L3MBTL3: variants seen among roughly 807,000 people sequenced by gnomAD.
L3MBTL3 encodes the protein L3MBTL histone methyl-lysine binding protein 3.
A neutral mutation model predicts 102.3 loss-of-function variants in L3MBTL3; 27 were observed. The ratio of observed to expected loss-of-function variants is 0.26; its 90% CI spans 0.19 to 0.36. The LOEUF is 0.36. Ranked by LOEUF, L3MBTL3 falls within the 10% of genes least tolerant of loss-of-function variation. The pLI is 1.00. For synonymous variants in L3MBTL3, 340 were observed against 320.9 expected (o/e 1.06, Z -0.64); for missense variants, 798 against 955.3 (o/e 0.84, Z 2.17).
chr6:130,062,225 G>C (rs1781940241), intron 10 of L3MBTL3, among the ~76,000 whole-genome samples: 1 of 152,016 alleles, frequency 6.6e-6, no homozygotes, highest in Non-Finnish European at 1.5e-5. Context: ...ATTAATAAAA[G>C]TCCTGTTTCA....
At chr6:130,071,245 TC>T (rs1197797169) in intron 13 of L3MBTL3, 118 bp downstream of exon 13, 2 of 871,862 alleles carry the variant, frequency 2.3e-6, no homozygotes, top group Non-Finnish European at 3.5e-6. Context: ...CCCCACTTTT[TC>T]CTGTTACAGA....
intron 19 of L3MBTL3, among the ~76,000 whole-genome samples, chr6:130,108,504 A>T (rs562648136): frequency 6.6e-6 from 1 of 152,028 alleles, no homozygotes; most frequent in African/African-American, 2.4e-5. Context: ...AATTGCTGGG[A>T]TTACAGGCAT....
At chr6:130,050,174 C>T (rs1781004778) in intron 5 of L3MBTL3, among the ~76,000 whole-genome samples, 1 of 152,222 alleles carries the variant, frequency 6.6e-6, no homozygotes, top group Non-Finnish European at 1.5e-5. Context: ...GGTCCTGCAC[C>T]TTGAAGCCAG....
intron 7 of L3MBTL3, among the ~76,000 whole-genome samples, chr6:130,054,383 A>G (rs1010818887): frequency 5.9e-5 from 9 of 152,144 alleles, no homozygotes; most frequent in African/African-American, 2.2e-4. Context: ...ATGCTTTGAT[A>G]TGATGTATGT....
Position 130,070,111 on chromosome 6 carries a change from TTTTTGTTTTG to T in L3MBTL3, c.1093-850_1093-841del, listed in dbSNP as rs555626638. Among the ~76,000 whole-genome samples, 16 of 151,792 alleles carry T rather than the reference TTTTTGTTTTG, an allele frequency of 1.1e-4. No homozygotes were observed. The East Asian group carries it at 1.9e-3, about 18-fold the overall frequency. On this transcript the variant is annotated intron_variant, in intron 12 of 22. Transcript: ENST00000361794. ...ACAGAGGTTTTTGTTTGTTTTTTGT[TTTTTGTTTTG>T]TTTTGTTTTGTTTTTAGGGAAGGAA... is the stretch of plus-strand genomic sequence containing the variant.
chr6:130,090,576 T>C (rs1392383878), intron 16 of L3MBTL3, among the ~76,000 whole-genome samples: 1 of 152,032 alleles, frequency 6.6e-6, no homozygotes, highest in Non-Finnish European at 1.5e-5. Context: ...AATTGTCTTT[T>C]TTCTTCTTCT....
At chr6:130,112,793 G>A (rs1785436597) in intron 19 of L3MBTL3, among the ~76,000 whole-genome samples, 1 of 152,198 alleles carries the variant, frequency 6.6e-6, no homozygotes, top group African/African-American at 2.4e-5. Flanking sequence ...GGGTGTGAGT[G>A]AAGGGAAGTC....
intron 10 of L3MBTL3, among the ~76,000 whole-genome samples, chr6:130,062,206 A>G (rs1405372349): frequency 2.0e-5 from 3 of 152,086 alleles, no homozygotes; most frequent in Non-Finnish European, 4.4e-5. Context: ...TAATAGTGTA[A>G]GAGTGCATAT....
chr6:130,120,690 A>G (rs1398694357), intron 19 of L3MBTL3, among the ~76,000 whole-genome samples, 189 bp from the exon 20 acceptor site: 1 of 152,218 alleles, frequency 6.6e-6, no homozygotes, highest in Non-Finnish European at 1.5e-5. Flanking sequence ...ATGAAAATTG[A>G]TAATGAGGAA....
intron 10 of L3MBTL3, among the ~76,000 whole-genome samples, chr6:130,061,449 G>A (rs539318914): frequency 8.1e-4 from 124 of 152,190 alleles, no homozygotes; most frequent in Middle Eastern, 3.4e-3. Context: ...CCATTTTTCA[G>A]ATGAGAAACC....
At chr6:130,104,203 C>A (rs1784856974) in intron 18 of L3MBTL3, among the ~76,000 whole-genome samples, 1 of 152,104 alleles carries the variant, frequency 6.6e-6, no homozygotes, top group Non-Finnish European at 1.5e-5. Context: ...GCAACAGATT[C>A]CTTCTTAAAG....
intron 16 of L3MBTL3, among the ~76,000 whole-genome samples, chr6:130,092,306 CATTACTTG>C (rs1784104384): frequency 6.6e-6 from 1 of 152,014 alleles, no homozygotes; most frequent in Admixed American, 6.6e-5. Context: ...GAAGGCTTGA[CATTACTTG>C]AAAGGTCCTC....
chr6:130,136,702 C>T (rs1325481831), intron 22 of L3MBTL3, among the ~76,000 whole-genome samples: 1 of 152,082 alleles, frequency 6.6e-6, no homozygotes, highest in African/African-American at 2.4e-5. Context: ...ACTGCAACCT[C>T]TGCCTCCCAG....
intron 19 of L3MBTL3, among the ~76,000 whole-genome samples, chr6:130,117,219 C>T (rs1457922348): frequency 1.1e-4 from 15 of 140,822 alleles, no homozygotes; most frequent in East Asian, 6.3e-4. Flanking sequence ...GAGAATATGC[C>T]GTGTTTGGTT....
Position 130,049,847 on chromosome 6 carries a change from A to G in L3MBTL3, c.289+17A>G, listed in dbSNP as rs1052237213. The stretch of plus-strand genomic sequence containing the variant: ...GTCCCACAGGTACCTCAAACTCCAC[A>G]TGTCTGAAATGCAATTCATTTTCTA... On this transcript the variant is annotated intron_variant, in intron 5 of 22. Coordinates refer to ENST00000361794, the MANE Select transcript of L3MBTL3 (RefSeq NM_032438.4). The G allele has an allele frequency of 3.7e-6, 6 of 1,600,672 alleles. No homozygotes were observed. The African/African-American group carries it at 4.0e-5, about 11-fold the overall frequency.
At chr6:130,073,469 G>A (rs979798338) in intron 13 of L3MBTL3, among the ~76,000 whole-genome samples, 3 of 152,088 alleles carry the variant, frequency 2.0e-5, no homozygotes, top group Non-Finnish European at 4.4e-5. Flanking sequence ...CTATTGAAAT[G>A]AGAATATTTT....
At chr6:130,043,864 T>C (rs143424113) in intron 3 of L3MBTL3, among the ~76,000 whole-genome samples, 3 of 152,310 alleles carry the variant, frequency 2.0e-5, no homozygotes, top group African/African-American at 7.2e-5. Flanking sequence ...TTAAGTGTAA[T>C]GTGCCAACAC....
chr6:130,054,338 G>A (rs573663321), intron 7 of L3MBTL3, among the ~76,000 whole-genome samples: 1 of 152,318 alleles, frequency 6.6e-6, no homozygotes, highest in South Asian at 2.1e-4. Context: ...TATTCTGAGT[G>A]TCAGGGGAAG....
At chr6:130,066,286 G>GTATATATATATATATA (rs148263906) in intron 10 of L3MBTL3, 67 bp from the exon 11 acceptor site, 21,143 of 384,060 alleles carry the variant, frequency 0.055, 1,081 homozygotes, top group Admixed American at 0.077. Context: ...TTATTTTTGT[G>GTATATATATATATATA]TATATATATA....
Sources: gnomAD v4.1 joint callset for allele counts (sites outside exome capture counted in the v4.1 genomes callset) on GRCh38, gnomAD v4.1.1 for gene constraint, MANE v1.5 for transcripts, NCBI Gene and HGNC (gene_info 2026-07-23, HGNC 2026-07-21) for gene names.